RFC4: variants seen among roughly 807,000 people sequenced by gnomAD.
The protein encoded by RFC4 is replication factor C subunit 4.
In RFC4, 38 loss-of-function variants were observed where a neutral mutation model predicts 47.6. The observed-to-expected ratio is 0.80, with a 90% CI of 0.62 to 1.05. The LOEUF (loss-of-function observed/expected upper bound fraction) is 1.05. Ranked by LOEUF, RFC4 falls within the 50% of genes least tolerant of loss-of-function variation. The pLI is 0.00. For missense variants in RFC4, 489 were observed against 434.0 expected, an observed-to-expected ratio of 1.13 and a Z score of -1.13; for synonymous variants, 164 against 150.0, an observed-to-expected ratio of 1.09 and a Z score of -0.68.
At chr3:186,791,946 T>C in intron 7 of RFC4, 96 bp from the exon 8 acceptor site, 1 of 1,084,244 alleles carries the variant, frequency 9.2e-7, no homozygotes, top group Non-Finnish European at 1.3e-6. Context: ...AACCCTGTTT[T>C]AGTCTAGAGT....
At position 186,792,744 on chromosome 3, in the gene RFC4, C is replaced by T. The variant is rs3917130; in HGVS notation, c.554+60G>A. The T allele has an allele frequency of 8.0e-3, 12,575 of 1,563,082 alleles. 53 individuals carry two copies. Among genetic ancestry groups the T allele is most frequent in the Non-Finnish European group, 9.4e-3 (10,872 of 1,153,048 alleles). On this transcript the variant is annotated intron_variant, in intron 6 of 10. Transcript: ENST00000296273. ...GCCTTGAAAATCCTAAATTTCCTTT[C>T]CCTAATTGGGTTATGAAAATAAGGC...
rs761140433 is a variant in RFC4 at position 186,790,263 on chromosome 3, A to T, written c.883-8T>A. ...ACCCTCATCTATTAAATCCTATAATAAAAAAAACTTTTGGTATGATGACTT... is the reference window on the plus strand; with the variant it reads ...ACCCTCATCTATTAAATCCTATAATTAAAAAAACTTTTGGTATGATGACTT... On this transcript the variant is annotated splice_polypyrimidine_tract_variant and splice_region_variant and intron_variant, in intron 9 of 10. Coordinates refer to ENST00000296273, the MANE Select transcript of RFC4 (RefSeq NM_002916.5). 5.0e-6 allele frequency: 8 copies of T among 1,609,396 alleles called. No homozygotes were observed. The African/African-American group carries it at 6.7e-5, about 13-fold the overall frequency.
chr3:186,790,287 T>A, intron 9 of RFC4, 32 bp from the exon 10 acceptor site: 1 of 1,610,768 alleles, frequency 6.2e-7, no homozygotes, highest in Non-Finnish European at 8.5e-7. Flanking sequence ...GTATGATGAC[T>A]TAATATTCCT....
chr3:186,798,217 A>G (rs1407672869), intron 3 of RFC4, among the ~76,000 whole-genome samples: 1 of 152,184 alleles, frequency 6.6e-6, no homozygotes, highest in Non-Finnish European at 1.5e-5. Context: ...ATCAGGGAGA[A>G]TTCATTAGAA....
rs1560088472 is a variant in RFC4 at position 186,789,931 on chromosome 3, TCATTATTTACAAAACCCCC to T, written c.*19_*37del. ...TGGTCATTTTATTTTTATTACAACT[TCATTATTTACAAAACCCCC>T]CATCCAGATATATTCACGTTAACAA... On this transcript the variant is annotated 3_prime_UTR_variant, in exon 11 of 11. Transcript: ENST00000296273. 7.9e-7 allele frequency: 1 copy of T among 1,273,690 alleles called. No individual in the cohort carries two copies. The highest frequency in any genetic ancestry group is 1.3e-5 in the South Asian group (1 of 79,420). The allele number at this position is 1,273,690 out of a possible 1,614,324, so 78.9% of individuals were successfully genotyped here.
At position 186,794,646 on chromosome 3, in the gene RFC4, A is replaced by C; in HGVS notation, c.410+12T>G. On this transcript the variant is annotated intron_variant, in intron 5 of 10. Transcript: ENST00000296273. ...ATACATGCTATGGAGGAGGGAGGGC[A>C]AATTTACTTACTCTGAGCGACTTCC... 2 of 1,612,094 alleles carry C rather than the reference A, an allele frequency of 1.2e-6. No individual in the cohort carries two copies. The highest frequency in any genetic ancestry group is 1.7e-6 in the Non-Finnish European group (2 of 1,179,288).
In RFC4 at chr3:186,790,332, C is replaced by T. The variant is rs769539464; in HGVS notation, c.876G>A (p.Val292=). The T allele has an allele frequency of 1.8e-5, 29 of 1,613,390 alleles. No individual in the cohort carries two copies. Among genetic ancestry groups the T allele is most frequent in the African/African-American group, 4.0e-5 (3 of 74,860 alleles). Reference sequence around the variant, plus strand: ...GTTAGTAAGCTGACTTTACCTTGACCACAGCTTCTAGTTTGTCAAAAGAGC... The same window carrying T: ...GTTAGTAAGCTGACTTTACCTTGACTACAGCTTCTAGTTTGTCAAAAGAGC... The part of the protein sequence containing the change: ...QSGSFDKLEA[V]VKDLIDEGHA... The change falls in exon 9 of 11, where the codon GTG becomes GTA. Residue 292 remains valine, a synonymous_variant. Coordinates refer to ENST00000296273, the MANE Select transcript of RFC4 (RefSeq NM_002916.5).
intron 7 of RFC4, among the ~76,000 whole-genome samples, 159 bp from the exon 8 acceptor site, chr3:186,792,009 C>T (rs548771549): frequency 9.9e-5 from 15 of 152,062 alleles, no homozygotes; most frequent in Non-Finnish European, 2.2e-4. Flanking sequence ...GTCTAGGGGC[C>T]GGGTACAATG....
intron 8 of RFC4, 27 bp downstream of exon 8, chr3:186,791,698 G>C: frequency 2.5e-6 from 4 of 1,609,838 alleles, no homozygotes; most frequent in Non-Finnish European, 3.4e-6. Context: ...CAACTAAAAA[G>C]AAATTCAGAA....
At chr3:186,804,536 G>T in intron 2 of RFC4, 47 bp downstream of exon 2, 1 of 1,576,134 alleles carries the variant, frequency 6.3e-7, no homozygotes, top group Non-Finnish European at 8.7e-7. Context: ...GTACTGGTTA[G>T]AGAGATAATT....
chr3:186,791,538 C>T lies in RFC4; in HGVS notation c.801+187G>A, dbSNP rs1579176295. On this transcript the variant is annotated intron_variant, in intron 8 of 10. Transcript: ENST00000296273. ...TCTTTCCTGAAATGTCTGTTACATG[C>T]CTGACAAACTGAAAAGTCAGTGCTA... 9.6e-6 allele frequency: 6 copies of T among 626,210 alleles called. No individual in the cohort carries two copies. The East Asian group carries it at 1.4e-4, about 15-fold the overall frequency. 38.8% of individuals were successfully genotyped at this position (626,210 alleles called of 1,614,324 possible).
At chr3:186,799,956 T>C (rs1579182191) in intron 3 of RFC4, among the ~76,000 whole-genome samples, 1 of 152,208 alleles carries the variant, frequency 6.6e-6, no homozygotes, top group Non-Finnish European at 1.5e-5. Context: ...ATTACTTATT[T>C]ATTTATTTAT....
chr3:186,792,444 A>G, intron 7 of RFC4, 46 bp downstream of exon 7: 2 of 1,556,236 alleles, frequency 1.3e-6, no homozygotes, highest in Middle Eastern at 1.7e-4. Context: ...ATATGCATTC[A>G]TCAAAGGAAT....
intron 3 of RFC4, among the ~76,000 whole-genome samples, chr3:186,799,916 G>T (rs1262740539): frequency 1.3e-5 from 2 of 151,902 alleles, no homozygotes; most frequent in Non-Finnish European, 1.5e-5. Flanking sequence ...AAATTAAAAG[G>T]TATAAGAGTA....
chr3:186,794,350 G>A (rs189456891), intron 5 of RFC4, among the ~76,000 whole-genome samples: 29 of 152,306 alleles, frequency 1.9e-4, no homozygotes, highest in Admixed American at 1.6e-3. Context: ...GGTTGTGACT[G>A]ACTGCACCAT....
chr3:186,799,512 C>A (rs1007101233), intron 3 of RFC4, among the ~76,000 whole-genome samples: 1 of 152,012 alleles, frequency 6.6e-6, no homozygotes, highest in Non-Finnish European at 1.5e-5. Context: ...GTGGCCAAAG[C>A]GGGCAGGTCA....
intron 10 of RFC4, 27 bp from the exon 11 acceptor site, chr3:186,790,091 A>G (rs371489804): frequency 1.6e-4 from 257 of 1,606,438 alleles, no homozygotes; most frequent in Non-Finnish European, 2.1e-4. Flanking sequence ...AGAAATTAGC[A>G]TCCTTCAGGT....
chr3:186,794,872 C>G, intron 4 of RFC4, 95 bp from the exon 5 acceptor site: 1 of 1,346,114 alleles, frequency 7.4e-7, no homozygotes. Context: ...TAAAATCCAC[C>G]TAGTAAACAA....
intron 8 of RFC4, among the ~76,000 whole-genome samples, 156 bp from the exon 9 acceptor site, chr3:186,790,562 C>A (rs1007640187): frequency 5.3e-5 from 8 of 152,224 alleles, no homozygotes; most frequent in Admixed American, 4.6e-4. Context: ...GCCAGAGTAA[C>A]TCCAGTCACC....
Sources: allele counts gnomAD v4.1 joint callset (sites outside exome capture counted in the v4.1 genomes callset), GRCh38; gene constraint gnomAD v4.1.1; transcripts MANE v1.5; gene names NCBI Gene and HGNC (gene_info 2026-07-23, HGNC 2026-07-21).